SLC44A5: variants seen among roughly 807,000 people sequenced by gnomAD.
SLC44A5 encodes the protein solute carrier family 44 member 5.
Under a neutral mutation model 101.8 loss-of-function variants are expected in SLC44A5, and 57 were observed. The observed-to-expected ratio is 0.56, with a 90% CI of 0.45 to 0.70. The LOEUF (loss-of-function observed/expected upper bound fraction) is 0.70. Ranked by LOEUF, SLC44A5 falls within the 30% of genes least tolerant of loss-of-function variation. The probability of loss-of-function intolerance (pLI) is 0.00; values close to 1 mark genes in which losing one functional copy is unlikely to be tolerated. For missense variants in SLC44A5, 737 were observed against 853.1 expected, an observed-to-expected ratio of 0.86 and a Z score of 1.70; for synonymous variants, 281 against 290.9, an observed-to-expected ratio of 0.97 and a Z score of 0.35.
intron 2 of SLC44A5, among the ~76,000 whole-genome samples, chr1:75,473,806 G>A (rs1413910739): frequency 1.3e-5 from 2 of 151,662 alleles, no homozygotes; most frequent in African/African-American, 2.4e-5. Flanking sequence ...TTTTTCCTCT[G>A]TTGTGGCCTT....
chr1:75,717,455 C>A, the SLC44A5 span, among the ~76,000 whole-genome samples: 3 of 151,990 alleles, frequency 2.0e-5, no homozygotes. Context: ...GACACTGGGG[C>A]TACTTGAGGG....
chr1:75,221,956 TC>T (rs1647090401), intron 14 of SLC44A5, among the ~76,000 whole-genome samples: 3 of 135,416 alleles, frequency 2.2e-5, no homozygotes, highest in African/African-American at 3.4e-5. Context: ...AAAGTCTTCT[TC>T]TTCTTTTTTT....
At chr1:75,253,748 C>T (rs1023375939) in intron 6 of SLC44A5, among the ~76,000 whole-genome samples, 1 of 152,142 alleles carries the variant, frequency 6.6e-6, no homozygotes, top group African/African-American at 2.4e-5. Flanking sequence ...GATTTATAAA[C>T]TGCAAACTGC....
the SLC44A5 span, among the ~76,000 whole-genome samples, chr1:75,664,192 C>A: frequency 6.6e-6 from 1 of 152,090 alleles, no homozygotes; most frequent in Non-Finnish European, 1.5e-5. Flanking sequence ...CCACCCACCA[C>A]CAACATCTTA....
chr1:75,545,803 T>G (rs1671613582), intron 1 of SLC44A5, among the ~76,000 whole-genome samples: 1 of 145,936 alleles, frequency 6.9e-6, no homozygotes, highest in Non-Finnish European at 1.5e-5. Context: ...TATTAGTTAA[T>G]TAACCATTCT....
At chr1:75,393,263 C>G (rs114552821) in intron 3 of SLC44A5, among the ~76,000 whole-genome samples, 2,603 of 152,246 alleles carry the variant, frequency 0.017, 82 homozygotes, top group African/African-American at 0.059. Flanking sequence ...GGAAAGCCAT[C>G]TCAACTTTCT....
intron 3 of SLC44A5, among the ~76,000 whole-genome samples, chr1:75,355,884 A>G (rs1659027989): frequency 6.6e-6 from 1 of 152,110 alleles, no homozygotes; most frequent in Non-Finnish European, 1.5e-5. Context: ...AACCCAGTAA[A>G]TTGTAAAACA....
intron 18 of SLC44A5, among the ~76,000 whole-genome samples, chr1:75,216,399 T>C (rs1646962778): frequency 1.3e-5 from 2 of 151,992 alleles, no homozygotes; most frequent in Non-Finnish European, 2.9e-5. Context: ...AATGCTGTTA[T>C]GAACAGTGAT....
At chr1:75,421,217 GTTATA>G (rs1168874427) in intron 2 of SLC44A5, among the ~76,000 whole-genome samples, 1 of 151,954 alleles carries the variant, frequency 6.6e-6, no homozygotes, top group African/African-American at 2.4e-5. Flanking sequence ...CTAAAATCAT[GTTATA>G]TTATTTTAAT....
chr1:75,227,581 A>T, intron 13 of SLC44A5, 145 bp downstream of exon 13: 1 of 539,688 alleles, frequency 1.9e-6, no homozygotes, highest in Non-Finnish European at 3.0e-6. Context: ...CACTTACTGT[A>T]GTTAGAGGAT....
At chr1:75,235,228 A>G (rs993483157) in intron 11 of SLC44A5, among the ~76,000 whole-genome samples, 6 of 152,072 alleles carry the variant, frequency 3.9e-5, no homozygotes, top group African/African-American at 1.4e-4. Flanking sequence ...AAGTATTCAG[A>G]AATGTCAGAG....
At chr1:75,717,357 A>G in the SLC44A5 span, among the ~76,000 whole-genome samples, 1 of 151,270 alleles carries the variant, frequency 6.6e-6, no homozygotes, top group Admixed American at 6.6e-5. Context: ...AAAAAAAAGG[A>G]AAAGAAAAGA....
chr1:75,385,993 T>C (rs1353617307), intron 3 of SLC44A5, among the ~76,000 whole-genome samples: 1 of 152,140 alleles, frequency 6.6e-6, no homozygotes, highest in East Asian at 1.9e-4. Flanking sequence ...AAAAAGCCTT[T>C]GACAAAATTC....
intron 2 of SLC44A5, among the ~76,000 whole-genome samples, chr1:75,446,014 C>T (rs1348742869): frequency 6.6e-6 from 1 of 152,084 alleles, no homozygotes; most frequent in Non-Finnish European, 1.5e-5. Context: ...CCAAAACAAA[C>T]TCCAAATTGA....
upstream of SLC44A5, among the ~76,000 whole-genome samples, chr1:75,614,999 C>G (rs1174050556): frequency 6.6e-6 from 1 of 152,080 alleles, no homozygotes; most frequent in African/African-American, 2.4e-5. Flanking sequence ...GCCGGCTCTG[C>G]GACCCCTAGG....
At chr1:75,640,272 A>C in the SLC44A5 span, among the ~76,000 whole-genome samples, 1 of 152,056 alleles carries the variant, frequency 6.6e-6, no homozygotes, top group African/African-American at 2.4e-5. Context: ...TGGTTGGACC[A>C]GCTAAGCCAG....
In SLC44A5 at chr1:75,328,770, G is replaced by A. The variant is rs116075787; in HGVS notation, c.101+10812C>T. On this transcript the variant is annotated intron_variant, in intron 4 of 23. Transcript: ENST00000370859. Reference sequence around the variant, plus strand: ...AATCCCACATGATCTATTCAGCTTCGTTGCCAAAGTGTCTTCCATCCTAGT... The same window carrying A: ...AATCCCACATGATCTATTCAGCTTCATTGCCAAAGTGTCTTCCATCCTAGT... Among the ~76,000 whole-genome samples the A allele has an allele frequency of 8.9e-3, 1,348 of 152,274 alleles. 23 individuals are homozygous for A. Among genetic ancestry groups the A allele is most frequent in the African/African-American group, 0.031 (1,287 of 41,548 alleles).
At chr1:75,340,711 G>T (rs1343051850) in intron 3 of SLC44A5, among the ~76,000 whole-genome samples, 1 of 152,166 alleles carries the variant, frequency 6.6e-6, no homozygotes, top group Non-Finnish European at 1.5e-5. Context: ...ACTGGATCTG[G>T]TTCAGATATT....
chr1:75,660,794 T>G, the SLC44A5 span, among the ~76,000 whole-genome samples: 1 of 152,054 alleles, frequency 6.6e-6, no homozygotes, highest in Non-Finnish European at 1.5e-5. Flanking sequence ...TATAAAACAC[T>G]GATGAAAGAG....
Sources: gnomAD v4.1 joint callset for allele counts (sites outside exome capture counted in the v4.1 genomes callset) on GRCh38, gnomAD v4.1.1 for gene constraint, MANE v1.5 for transcripts, NCBI Gene and HGNC (gene_info 2026-07-23, HGNC 2026-07-21) for gene names.